The following CPNE5 variants were observed in gnomAD, a reference collection of about 807,000 sequenced individuals.
CPNE5 encodes copine 5.
Under a neutral mutation model 81.1 loss-of-function variants are expected in CPNE5, and 42 were observed. The observed-to-expected ratio is 0.52, with a 90% CI of 0.40 to 0.67. CPNE5 has a LOEUF of 0.67. Among genes scored for constraint, CPNE5 ranks in the 30% least tolerant of loss-of-function variants. The probability of loss-of-function intolerance (pLI) is 0.00; values close to 1 mark genes in which losing one functional copy is unlikely to be tolerated. For missense variants in CPNE5, 612 were observed against 815.5 expected, an observed-to-expected ratio of 0.75 and a Z score of 3.04; for synonymous variants, 313 against 321.5, an observed-to-expected ratio of 0.97 and a Z score of 0.28.
At position 36,794,643 on chromosome 6, in the gene CPNE5, G is replaced by T. The variant is rs372035188; in HGVS notation, c.411C>A (p.Gly137=). ...GSRLEKPLTI[G]AFSLNSRTGK... ...CCGTCCTGGAATTCAGGCTGAATGC[G>T]CCTATCCTGTGGAGAGAGAGGGGGA... Residue 137 remains glycine (G), a synonymous_variant, in exon 7 of 21, where the codon GGC becomes GGA. Coordinates refer to ENST00000244751, the MANE Select transcript of CPNE5 (RefSeq NM_020939.2). 1.2e-6 allele frequency: 2 copies of T among 1,613,856 alleles called. No homozygotes were observed. The highest frequency in any genetic ancestry group is 1.7e-6 in the Non-Finnish European group (2 of 1,179,870).
chr6:36,838,163 C>G lies in CPNE5; in HGVS notation c.95+1120G>C, dbSNP rs1229619526. On this transcript the variant is annotated intron_variant, in intron 1 of 20. Transcript: ENST00000244751. Reference sequence around the variant, plus strand: ...CCCAGACTCTCCAGCTCTACCTACACCTCATCAATGCCACAACTTTGTAAT... The same window carrying G: ...CCCAGACTCTCCAGCTCTACCTACAGCTCATCAATGCCACAACTTTGTAAT... 3.3e-5 allele frequency among the ~76,000 whole-genome samples: 5 copies of G among 152,330 alleles called. 1 individual carries two copies. The highest frequency in any genetic ancestry group is 1.5e-5 in the Non-Finnish European group (1 of 68,026).
At chr6:36,764,987 C>A (rs1766422859) in intron 11 of CPNE5, among the ~76,000 whole-genome samples, 1 of 152,168 alleles carries the variant, frequency 6.6e-6, no homozygotes, top group Non-Finnish European at 1.5e-5. Context: ...GTGTCTGTGC[C>A]CTAGAACATG....
intron 9 of CPNE5, 30 bp from the exon 10 acceptor site, chr6:36,775,095 T>G: frequency 6.3e-7 from 1 of 1,579,822 alleles, no homozygotes; most frequent in Non-Finnish European, 8.7e-7. Context: ...GGAAAGGCTG[T>G]CAGGCCCAAA....
chr6:36,835,406 G>A (rs1056534955), intron 1 of CPNE5, among the ~76,000 whole-genome samples: 8 of 152,150 alleles, frequency 5.3e-5, no homozygotes, highest in African/African-American at 1.9e-4. Context: ...CTTGGCTCGA[G>A]GGAGGAGGGT....
chr6:36,808,195 A>C (rs975327007), intron 3 of CPNE5, among the ~76,000 whole-genome samples: 5 of 151,736 alleles, frequency 3.3e-5, no homozygotes, highest in Non-Finnish European at 1.5e-5. Context: ...TGTTCAAGTG[A>C]TTCTCCCGCC....
chr6:36,790,450 A>G (rs1768982300), intron 8 of CPNE5, among the ~76,000 whole-genome samples: 1 of 152,214 alleles, frequency 6.6e-6, no homozygotes, highest in African/African-American at 2.4e-5. Flanking sequence ...GGATTTCACA[A>G]CAGATTGACT....
intron 20 of CPNE5, 26 bp from the exon 21 acceptor site, chr6:36,742,512 G>A: frequency 6.3e-7 from 1 of 1,599,810 alleles, no homozygotes; most frequent in Non-Finnish European, 8.5e-7. Context: ...GCAGGGTCAG[G>A]CAGTGCCTCC....
chr6:36,763,545 G>A (rs1413420962), intron 11 of CPNE5, among the ~76,000 whole-genome samples: 1 of 150,102 alleles, frequency 6.7e-6, no homozygotes, highest in Non-Finnish European at 1.5e-5. Context: ...GGAGGTTGCT[G>A]TGAGCTGAGA....
In CPNE5 at chr6:36,743,743, G is replaced by A. The variant is rs145875050; in HGVS notation, c.1509C>T (p.Gly503=). ...AEFDAMVELD[G]DDVRISSRGK... ...CCCGGGAGGAGATCCGCACGTCGTC[G>A]CCATCCAGCTCCACCATGGCTGTGA... The change falls in exon 20 of 21, where the codon GGC becomes GGT. Residue 503 remains glycine (G), a synonymous_variant. Transcript: ENST00000244751. 139 of 1,612,180 alleles carry A rather than the reference G, an allele frequency of 8.6e-5. 1 individual carries two copies. The highest frequency in any genetic ancestry group is 3.1e-4 in the East Asian group (14 of 44,896).
At chr6:36,756,923 G>T (rs897154128) in intron 12 of CPNE5, among the ~76,000 whole-genome samples, 1 of 152,182 alleles carries the variant, frequency 6.6e-6, no homozygotes, top group African/African-American at 2.4e-5. Context: ...CTAACTCAGC[G>T]GTCTCAACCA....
intron 12 of CPNE5, among the ~76,000 whole-genome samples, chr6:36,760,192 C>T (rs891691010): frequency 2.7e-5 from 4 of 147,316 alleles, no homozygotes; most frequent in African/African-American, 1.0e-4. Flanking sequence ...TGCACTCCAG[C>T]CTGGGTGAGA....
intron 11 of CPNE5, among the ~76,000 whole-genome samples, chr6:36,763,597 T>C (rs577033480): frequency 7.2e-5 from 6 of 83,218 alleles, no homozygotes; most frequent in Non-Finnish European, 1.3e-4. Flanking sequence ...AGCGAGACTC[T>C]ATCTCAAAAA....
At chr6:36,802,275 C>CT (rs1394421948) in intron 3 of CPNE5, among the ~76,000 whole-genome samples, 27 of 133,514 alleles carry the variant, frequency 2.0e-4, no homozygotes, top group African/African-American at 4.9e-4. Context: ...ATGCTATATG[C>CT]TTTTTTTCCC....
At chr6:36,771,527 A>G (rs575043335) in intron 10 of CPNE5, among the ~76,000 whole-genome samples, 8 of 152,336 alleles carry the variant, frequency 5.3e-5, no homozygotes, top group African/African-American at 1.9e-4. Flanking sequence ...GTTAAGTGCT[A>G]TAGGAGTCTT....
intron 3 of CPNE5, among the ~76,000 whole-genome samples, chr6:36,815,017 G>A (rs1771416907): frequency 6.6e-6 from 1 of 151,994 alleles, no homozygotes; most frequent in Admixed American, 6.6e-5. Flanking sequence ...AATTAGTCGG[G>A]CGTGGTGGTG....
At chr6:36,815,688 T>G (rs1771480442) in intron 3 of CPNE5, among the ~76,000 whole-genome samples, 1 of 152,182 alleles carries the variant, frequency 6.6e-6, no homozygotes, top group South Asian at 2.1e-4. Flanking sequence ...CTCACAGAGG[T>G]TATGTGAAGA....
At chr6:36,796,116 T>C (rs1332363209) in intron 6 of CPNE5, among the ~76,000 whole-genome samples, 1 of 152,082 alleles carries the variant, frequency 6.6e-6, no homozygotes, top group Non-Finnish European at 1.5e-5. Context: ...GCCAGGCTAA[T>C]TTTTGTATTT....
At chr6:36,836,651 GA>G (rs1336299521) in intron 1 of CPNE5, among the ~76,000 whole-genome samples, 2 of 152,270 alleles carry the variant, frequency 1.3e-5, no homozygotes, top group Non-Finnish European at 2.9e-5. Flanking sequence ...AGTGGGGAGG[GA>G]CTTGACTTTA....
At chr6:36,830,528 C>A (rs1055786778) in intron 1 of CPNE5, among the ~76,000 whole-genome samples, 1 of 152,220 alleles carries the variant, frequency 6.6e-6, no homozygotes, top group Non-Finnish European at 1.5e-5. Context: ...AGCAACCTCA[C>A]CAAGGTCTAA....
Sources: gnomAD v4.1 joint callset for allele counts (sites outside exome capture counted in the v4.1 genomes callset) on GRCh38, gnomAD v4.1.1 for gene constraint, MANE v1.5 for transcripts, NCBI Gene and HGNC (gene_info 2026-07-23, HGNC 2026-07-21) for gene names.